Variants in MYMX observed in about 807,000 individuals in gnomAD.
MYMX encodes protein myomixer.
the MYMX span, among the ~76,000 whole-genome samples, chr6:44,205,298 A>G: frequency 6.6e-6 from 1 of 152,152 alleles, no homozygotes; most frequent in African/African-American, 2.4e-5. Context: ...GAAGTTAATC[A>G]ATTATTAGTG....
At chr6:44,199,265 T>C in the MYMX span, among the ~76,000 whole-genome samples, 1 of 151,642 alleles carries the variant, frequency 6.6e-6, no homozygotes. Flanking sequence ...GGTGCTATCA[T>C]GGTTCACTGT....
the MYMX span, among the ~76,000 whole-genome samples, chr6:44,204,302 T>C: frequency 2.6e-5 from 4 of 152,246 alleles, no homozygotes; most frequent in South Asian, 8.3e-4. Context: ...TACATTTAAA[T>C]AGGATGGTTG....
upstream of MYMX, among the ~76,000 whole-genome samples, chr6:44,214,470 C>T (rs1252940053): frequency 5.9e-5 from 9 of 152,030 alleles, no homozygotes; most frequent in South Asian, 2.1e-4. Context: ...GATGTTTATC[C>T]GCTGTGAGGC....
At chr6:44,192,898 C>CAGG in the MYMX span, among the ~76,000 whole-genome samples, 1 of 152,198 alleles carries the variant, frequency 6.6e-6, no homozygotes, top group Admixed American at 6.5e-5. Context: ...CTTCGAGAGC[C>CAGG]TGCACAAGAG....
upstream of MYMX, among the ~76,000 whole-genome samples, chr6:44,216,484 T>C (rs1467388819): frequency 6.6e-6 from 1 of 151,840 alleles, no homozygotes; most frequent in Admixed American, 6.6e-5. Flanking sequence ...ACCCTGTCTC[T>C]ACTACAAATA....
chr6:44,203,156 C>T, the MYMX span, among the ~76,000 whole-genome samples: 1 of 152,188 alleles, frequency 6.6e-6, no homozygotes, highest in African/African-American at 2.4e-5. Context: ...CCTGCCGTTC[C>T]TCCCCTCGAG....
the MYMX span, among the ~76,000 whole-genome samples, chr6:44,199,201 ATTAT>A: frequency 2.6e-5 from 4 of 151,554 alleles, no homozygotes; most frequent in African/African-American, 9.7e-5. Context: ...TCTTTCTTTC[ATTAT>A]TTATTTTAGA....
At chr6:44,206,665 T>C in the MYMX span, among the ~76,000 whole-genome samples, 32 of 152,348 alleles carry the variant, frequency 2.1e-4, no homozygotes, top group African/African-American at 7.7e-4. Flanking sequence ...CTCCTGGGGA[T>C]AGTCATTTTT....
chr6:44,211,384 G>A, the MYMX span, among the ~76,000 whole-genome samples: 1 of 152,056 alleles, frequency 6.6e-6, no homozygotes, highest in Non-Finnish European at 1.5e-5. Context: ...GAATTTTTGG[G>A]GGGTAAAGGA....
the MYMX span, among the ~76,000 whole-genome samples, chr6:44,205,998 C>A: frequency 0.71 from 63,997 of 89,548 alleles, 22,125 homozygotes; most frequent in Middle Eastern, 0.78. Flanking sequence ...AAAAACAAAA[C>A]AAAAAAAAAC....
chr6:44,216,287 C>T (rs1256780875), upstream of MYMX, among the ~76,000 whole-genome samples: 1 of 152,214 alleles, frequency 6.6e-6, no homozygotes, highest in East Asian at 1.9e-4. Flanking sequence ...GTTACTCCCA[C>T]TTACTGAGGC....
At chr6:44,207,328 A>G in the MYMX span, among the ~76,000 whole-genome samples, 1 of 151,524 alleles carries the variant, frequency 6.6e-6, no homozygotes, top group African/African-American at 2.4e-5. Flanking sequence ...TTTAGTAGAG[A>G]TGGGGTTTCA....
chr6:44,202,147 A>G, the MYMX span, among the ~76,000 whole-genome samples: 1 of 152,140 alleles, frequency 6.6e-6, no homozygotes, highest in Non-Finnish European at 1.5e-5. Flanking sequence ...AACTCTTGCT[A>G]TCATTCCTGC....
At chr6:44,208,097 G>A in the MYMX span, among the ~76,000 whole-genome samples, 165 of 152,104 alleles carry the variant, frequency 1.1e-3, 2 homozygotes, top group East Asian at 4.5e-3. Context: ...GCATGGTGGC[G>A]TATGCCTGTG....
rs1775946867 is a variant in MYMX at position 44,217,559 on chromosome 6, C to A, written c.88C>A (p.Leu30Met). ...TGCCCGCCTGGCCCGCCAATACCTCCTGCCCCTGCTGCGCCGATTGGCCCG... is the reference window on the plus strand; with the variant it reads ...TGCCCGCCTGGCCCGCCAATACCTCATGCCCCTGCTGCGCCGATTGGCCCG... ...PAARLARQYL[L>M]PLLRRLARRL... The change falls in exon 2 of 2, where the codon CTG (leucine) becomes ATG (methionine). Residue 30 changes from leucine (L) to methionine (M), a missense_variant. Physicochemically the swap from Leu to Met is conservative, Grantham distance 15. Transcript: ENST00000573382. The A allele has an allele frequency of 4.9e-6, 2 of 404,214 alleles. No homozygotes were observed. 25.0% of individuals were successfully genotyped at this position (404,214 alleles called of 1,614,324 possible).
chr6:44,201,860 A>C, the MYMX span, among the ~76,000 whole-genome samples: 1 of 151,958 alleles, frequency 6.6e-6, no homozygotes, highest in South Asian at 2.1e-4. Context: ...GCCACTCTCA[A>C]CTCCCGCTGT....
At chr6:44,195,996 G>A in the MYMX span, among the ~76,000 whole-genome samples, 1 of 152,012 alleles carries the variant, frequency 6.6e-6, no homozygotes, top group Non-Finnish European at 1.5e-5. Context: ...GGCCGGGAGT[G>A]CAGTGGCATG....
At chr6:44,200,868 G>A in the MYMX span, among the ~76,000 whole-genome samples, 2 of 152,128 alleles carry the variant, frequency 1.3e-5, no homozygotes, top group Non-Finnish European at 2.9e-5. Context: ...GGGGGTGGGG[G>A]GCAGTGGGCA....
At chr6:44,195,758 G>T in the MYMX span, among the ~76,000 whole-genome samples, 5 of 152,036 alleles carry the variant, frequency 3.3e-5, no homozygotes, top group African/African-American at 1.2e-4. Flanking sequence ...TTTTACTCAC[G>T]TTATGTATCA....
Sources: allele counts gnomAD v4.1 joint callset (sites outside exome capture counted in the v4.1 genomes callset), GRCh38; gene constraint gnomAD v4.1.1; transcripts MANE v1.5; gene names NCBI Gene and HGNC (gene_info 2026-07-23, HGNC 2026-07-21).